Variants in VAMP4 observed in about 807,000 individuals in gnomAD.
The protein encoded by VAMP4 is vesicle-associated membrane protein 4.
A neutral mutation model predicts 23.5 loss-of-function variants in VAMP4; 19 were observed. That is an observed-to-expected ratio of 0.81 (90% CI 0.56 to 1.19). The LOEUF (loss-of-function observed/expected upper bound fraction) is 1.19, where lower values mean the gene tolerates loss of function less well. VAMP4 is among the 50% of genes most tolerant of loss of function. The pLI is 0.00. For synonymous variants in VAMP4, 31 were observed against 51.0 expected (o/e 0.61, Z 1.67); for missense variants, 145 against 168.6 (o/e 0.86, Z 0.78).
intron 2 of VAMP4, among the ~76,000 whole-genome samples, chr1:171,732,364 A>G (rs1030161507): frequency 1.3e-5 from 2 of 149,094 alleles, no homozygotes; most frequent in African/African-American, 4.9e-5. Context: ...CTATGGGAAA[A>G]AAAAAAAAAA....
intron 2 of VAMP4, among the ~76,000 whole-genome samples, chr1:171,737,305 A>T (rs1655775375): frequency 6.6e-6 from 1 of 152,192 alleles, no homozygotes; most frequent in Non-Finnish European, 1.5e-5. Flanking sequence ...ATGGTGCATT[A>T]AAAAAATAAG....
chr1:171,711,280 G>A (rs1205746148), intron 4 of VAMP4, among the ~76,000 whole-genome samples: 1 of 152,042 alleles, frequency 6.6e-6, no homozygotes, highest in Non-Finnish European at 1.5e-5. Flanking sequence ...CTCAGGTAAG[G>A]TAAAGGCTTA....
rs1372933202 is a variant in VAMP4, at chr1:171,702,017, CTTG to C, written c.*2486_*2488del. ...ACTTGAATTTTTCTGTTGATCTTCA[CTTG>C]TTGTTAAATAATGATAGTTTTGATG... On this transcript the variant is annotated 3_prime_UTR_variant, in exon 8 of 8. Transcript: ENST00000236192. The C allele has an allele frequency of 3.9e-5, 6 of 151,974 alleles. No individual in the cohort carries two copies. Among genetic ancestry groups the C allele is most frequent in the African/African-American group, 9.7e-5 (4 of 41,394 alleles). The allele number at this position is 151,974 out of a possible 1,614,324, so 9.4% of individuals were successfully genotyped here.
rs778754518 is a variant in VAMP4 at position 171,706,413 on chromosome 1, T to A, written c.351A>T (p.Lys117Asn). ...RQMWWRGCKI[K>N]AIMALVAAIL... Reference sequence around the variant, plus strand: ...TAGCAGCAACCAAAGCCATGATGGCTTTTATCTACAACACACAAAAGGGCA... The same window carrying A: ...TAGCAGCAACCAAAGCCATGATGGCATTTATCTACAACACACAAAAGGGCA... The change falls in exon 7 of 8, where the codon AAA (lysine) becomes AAT (asparagine). Residue 117 changes from lysine to asparagine, a missense_variant. Transcript: ENST00000236192. The A allele has an allele frequency of 1.2e-6, 2 of 1,608,374 alleles. No homozygotes were observed. The highest frequency in any genetic ancestry group is 1.7e-6 in the Non-Finnish European group (2 of 1,177,198).
intron 5 of VAMP4, 87 bp downstream of exon 5, chr1:171,710,627 C>T (rs1453601132): frequency 9.6e-7 from 1 of 1,041,040 alleles, no homozygotes; most frequent in Non-Finnish European, 1.4e-6. Flanking sequence ...TTTCCTAAGC[C>T]AAGATTTGTA....
chr1:171,720,755 G>C (rs888886192), intron 3 of VAMP4, among the ~76,000 whole-genome samples: 5 of 151,952 alleles, frequency 3.3e-5, no homozygotes, highest in African/African-American at 9.7e-5. Context: ...AGAATTCTAT[G>C]CAAACTATTC....
intron 4 of VAMP4, among the ~76,000 whole-genome samples, chr1:171,716,808 C>T (rs1655033473): frequency 6.6e-6 from 1 of 152,192 alleles, no homozygotes. Flanking sequence ...GCTCCTCCAT[C>T]TTGGGCACAC....
At chr1:171,724,388 G>A (rs1655299099) in intron 3 of VAMP4, among the ~76,000 whole-genome samples, 1 of 151,994 alleles carries the variant, frequency 6.6e-6, no homozygotes, top group Admixed American at 6.6e-5. Context: ...TGAGTTAACT[G>A]GTGCAGCACA....
intron 4 of VAMP4, among the ~76,000 whole-genome samples, chr1:171,717,618 C>T (rs1655062003): frequency 6.7e-6 from 1 of 149,540 alleles, no homozygotes; most frequent in Admixed American, 6.7e-5. Context: ...TTGACCTCCC[C>T]TTTTTTTTTT....
chr1:171,741,706 C>T (rs1412372548), intron 1 of VAMP4, among the ~76,000 whole-genome samples: 1 of 152,176 alleles, frequency 6.6e-6, no homozygotes, highest in Admixed American at 6.5e-5. Flanking sequence ...AACTGCTCCT[C>T]GTCCGCATAC....
At chr1:171,729,491 T>C (rs968296594) in intron 2 of VAMP4, among the ~76,000 whole-genome samples, 2 of 152,178 alleles carry the variant, frequency 1.3e-5, no homozygotes, top group African/African-American at 4.8e-5. Flanking sequence ...GACTGCAACA[T>C]GAGGTCAGGT....
intron 2 of VAMP4, among the ~76,000 whole-genome samples, chr1:171,729,571 T>C (rs1655493017): frequency 6.6e-6 from 1 of 152,236 alleles, no homozygotes; most frequent in African/African-American, 2.4e-5. Context: ...TTTTGGATTT[T>C]CAGATTAGGG....
intron 7 of VAMP4, among the ~76,000 whole-genome samples, chr1:171,704,866 T>A (rs907827931): frequency 2.0e-5 from 3 of 152,158 alleles, no homozygotes; most frequent in East Asian, 1.9e-4. Context: ...CTTAGTTTTT[T>A]AAAAAACATG....
chr1:171,706,416 T>C lies in VAMP4; in HGVS notation c.348A>G (p.Ile116Met). 6.2e-7 allele frequency: 1 copy of C among 1,608,162 alleles called. No homozygotes were observed. Residue 116 changes from isoleucine to methionine, a missense_variant and splice_region_variant, in exon 7 of 8, where the codon ATA (isoleucine) becomes ATG (methionine). By Grantham distance (10) the Ile-to-Met change is conservative. Transcript: ENST00000236192. ...CAGCAACCAAAGCCATGATGGCTTTTATCTACAACACACAAAAGGGCATAT... is the reference window on the plus strand; with the variant it reads ...CAGCAACCAAAGCCATGATGGCTTTCATCTACAACACACAAAAGGGCATAT... ...RRQMWWRGCK[I>M]KAIMALVAAI...
chr1:171,731,187 C>T (rs1285994424), intron 2 of VAMP4, among the ~76,000 whole-genome samples: 2 of 151,812 alleles, frequency 1.3e-5, no homozygotes, highest in African/African-American at 4.8e-5. Flanking sequence ...TCTGAGCTCT[C>T]ACAGAAAAAC....
rs889517652 is a variant in VAMP4, at chr1:171,700,586, C to T, written c.*3920G>A. The stretch of plus-strand genomic sequence containing the variant: ...GGAATACCATAAAGCCAGAGTTTTT[C>T]CACACCCAATTACAGTAGAAGAGCA... On this transcript the variant is annotated 3_prime_UTR_variant, in exon 8 of 8. Transcript: ENST00000236192. The T allele has an allele frequency of 6.6e-6, 1 of 152,152 alleles. No homozygotes were observed. Among genetic ancestry groups the T allele is most frequent in the African/African-American group, 2.4e-5 (1 of 41,432 alleles). The allele number at this position is 152,152 out of a possible 1,614,324, so 9.4% of individuals were successfully genotyped here.
In VAMP4 at chr1:171,713,269, A is replaced by G. The variant is rs199900501; in HGVS notation, c.165-2455T>C. ...CAAAGCTACTGTTCATCAAGGATCA[A>G]TTTTGAAATTCCCAGCCAGCTTTTT... On this transcript the variant is annotated intron_variant, in intron 4 of 7. Transcript: ENST00000236192. Among the ~76,000 whole-genome samples the G allele has an allele frequency of 2.0e-4, 30 of 147,186 alleles. No homozygotes were observed. The East Asian group carries it at 2.6e-3, about 13-fold the overall frequency.
intron 4 of VAMP4, 51 bp from the exon 5 acceptor site, chr1:171,710,865 C>A: frequency 7.3e-7 from 1 of 1,362,380 alleles, no homozygotes; most frequent in Non-Finnish European, 1.0e-6. Context: ...AGAATGCTTA[C>A]AATTTTTAAA....
At chr1:171,711,212 T>A (rs1303728962) in intron 4 of VAMP4, among the ~76,000 whole-genome samples, 1 of 152,108 alleles carries the variant, frequency 6.6e-6, no homozygotes, top group Non-Finnish European at 1.5e-5. Flanking sequence ...TGCCATATAT[T>A]TCATACATGA....
Sources: gnomAD v4.1 joint callset for allele counts (sites outside exome capture counted in the v4.1 genomes callset) on GRCh38, gnomAD v4.1.1 for gene constraint, MANE v1.5 for transcripts, NCBI Gene and HGNC (gene_info 2026-07-23, HGNC 2026-07-21) for gene names.